The following MILR1 variants were observed in gnomAD, a reference collection of about 807,000 sequenced individuals.
MILR1 encodes allergin-1.
A neutral mutation model predicts 18.5 loss-of-function variants in MILR1; 31 were observed. The ratio of observed to expected loss-of-function variants is 1.68; its 90% confidence interval spans 1.26 to 2.26. The LOEUF (loss-of-function observed/expected upper bound fraction) is 2.26, where lower values mean the gene tolerates loss of function less well. Among genes scored for constraint, MILR1 ranks in the 30% most tolerant of loss-of-function variants. The pLI, the probability that MILR1 is intolerant of heterozygous loss-of-function variation, is 0.00. For synonymous variants in MILR1, 85 were observed against 56.2 expected, an observed-to-expected ratio of 1.51 and a Z score of -2.30; for missense variants, 257 against 157.4, an observed-to-expected ratio of 1.63 and a Z score of -3.38.
At chr17:64,478,763 G>C in the MILR1 span, among the ~76,000 whole-genome samples, 1 of 151,982 alleles carries the variant, frequency 6.6e-6, no homozygotes, top group South Asian at 2.1e-4. Context: ...TGGGCGTGGT[G>C]GCAGGCGCAT....
At chr17:64,456,289 C>A (rs1203347789) in intron 3 of MILR1, among the ~76,000 whole-genome samples, 2 of 151,768 alleles carry the variant, frequency 1.3e-5, no homozygotes, top group African/African-American at 4.9e-5. Context: ...TTCTTCCTTT[C>A]CTATAATACT....
intron 3 of MILR1, among the ~76,000 whole-genome samples, 168 bp downstream of exon 3, chr17:64,453,034 A>C (rs2037209908): frequency 6.6e-6 from 1 of 151,432 alleles, no homozygotes; most frequent in Non-Finnish European, 1.5e-5. Flanking sequence ...GGTCAACAGG[A>C]AGTATCTTTT....
chr17:64,461,266 A>G (rs900565462), intron 5 of MILR1, among the ~76,000 whole-genome samples: 8 of 152,094 alleles, frequency 5.3e-5, no homozygotes, highest in East Asian at 3.9e-4. Context: ...TTTATTTTTG[A>G]GACAGAGTTT....
At chr17:64,457,341 G>A (rs971989574) in intron 3 of MILR1, 59 bp from the exon 4 acceptor site, 2 of 448,808 alleles carry the variant, frequency 4.5e-6, no homozygotes, top group Admixed American at 3.8e-5. Context: ...TCATATTTGT[G>A]GTCTGAGTGA....
intron 3 of MILR1, among the ~76,000 whole-genome samples, chr17:64,453,257 C>T (rs1211231690): frequency 4.0e-5 from 6 of 151,712 alleles, no homozygotes; most frequent in South Asian, 2.1e-4. Context: ...TTACTTGAGA[C>T]GAGGTTTCAC....
chr17:64,459,903 C>A (rs2037384322), intron 4 of MILR1, among the ~76,000 whole-genome samples: 1 of 152,160 alleles, frequency 6.6e-6, no homozygotes. Flanking sequence ...CTGTTAAATT[C>A]TGTGCTGCTT....
In MILR1 at chr17:64,457,620, T is replaced by C. The variant is rs2037330645; in HGVS notation, c.588T>C (p.Cys196=). The C allele has an allele frequency of 2.1e-6, 1 of 475,202 alleles. No homozygotes were observed. Among genetic ancestry groups the C allele is most frequent in the East Asian group, 3.1e-5 (1 of 32,056 alleles). 29.4% of individuals were successfully genotyped at this position (475,202 alleles called of 1,614,324 possible). The part of the protein sequence containing the change: ...KNPGEEEEYR[C]EAKNRLPNYA... ...CTGGAGAAGAGGAAGAGTATAGGTG[T>C]GAAGCTAAAAACAGATTGCCTAACT... is the stretch of plus-strand genomic sequence containing the variant. The change falls in exon 4 of 10, where the codon TGT becomes TGC. Residue 196 remains cysteine (C), a synonymous_variant. Transcript: ENST00000619286.
the MILR1 span, among the ~76,000 whole-genome samples, chr17:64,494,792 C>G: frequency 4.6e-5 from 7 of 152,118 alleles, no homozygotes; most frequent in African/African-American, 1.7e-4. Context: ...CTTTTTAGCA[C>G]CATAAAGTGT....
At chr17:64,449,829 C>G (rs2037125535) in intron 2 of MILR1, among the ~76,000 whole-genome samples, 1 of 152,132 alleles carries the variant, frequency 6.6e-6, no homozygotes, top group Non-Finnish European at 1.5e-5. Context: ...ATTCAAGCAA[C>G]ACTAGAAATA....
the MILR1 span, among the ~76,000 whole-genome samples, chr17:64,481,020 T>A: frequency 6.6e-6 from 1 of 152,118 alleles, no homozygotes; most frequent in African/African-American, 2.4e-5. Context: ...AAGCAAAATT[T>A]AAAAACCCCT....
downstream of MILR1, among the ~76,000 whole-genome samples, chr17:64,472,789 A>G (rs562359376): frequency 5.3e-5 from 8 of 152,288 alleles, no homozygotes; most frequent in East Asian, 1.5e-3. Context: ...TGCTGTTCAA[A>G]CAGTGACCTC....
intron 3 of MILR1, among the ~76,000 whole-genome samples, chr17:64,454,250 C>T (rs910700837): frequency 6.6e-6 from 1 of 152,004 alleles, no homozygotes. Context: ...ATTTAATAGC[C>T]TATGTCACCC....
chr17:64,496,232 A>G, the MILR1 span, among the ~76,000 whole-genome samples: 1 of 152,306 alleles, frequency 6.6e-6, no homozygotes, highest in Admixed American at 6.5e-5. Flanking sequence ...GATTCCATGG[A>G]CCAGTTTTCT....
chr17:64,479,583 T>TA, the MILR1 span, among the ~76,000 whole-genome samples: 6 of 151,640 alleles, frequency 4.0e-5, no homozygotes, highest in East Asian at 3.9e-4. Flanking sequence ...ACAAAAAGCT[T>TA]AAAAAAAATA....
the MILR1 span, chr17:64,491,546 G>A: frequency 6.5e-7 from 1 of 1,549,148 alleles, no homozygotes; most frequent in South Asian, 1.1e-5. Flanking sequence ...TACCAGTGAA[G>A]GACAAGAAAC....
the MILR1 span, chr17:64,490,801 A>G: frequency 1.2e-6 from 2 of 1,611,522 alleles, 1 homozygote; most frequent in South Asian, 2.2e-5. Context: ...CATACATGTA[A>G]TTTAGACACA....
chr17:64,462,921 C>T (rs1323501972), intron 5 of MILR1, among the ~76,000 whole-genome samples: 2 of 151,948 alleles, frequency 1.3e-5, no homozygotes, highest in Admixed American at 6.6e-5. Flanking sequence ...CCATTACGCC[C>T]GGCCCACAGT....
At chr17:64,460,016 AT>A (rs1218783539) in intron 4 of MILR1, among the ~76,000 whole-genome samples, 1 of 144,312 alleles carries the variant, frequency 6.9e-6, no homozygotes, top group African/African-American at 2.6e-5. Context: ...TTATTTATTT[AT>A]TTATTTATTT....
Position 64,457,613 on chromosome 17 carries a change from A to G in MILR1, c.581A>G (p.Tyr194Cys), listed in dbSNP as rs2144033562. 2.1e-6 allele frequency: 1 copy of G among 475,406 alleles called. No individual in the cohort carries two copies. The highest frequency in any genetic ancestry group is 3.1e-5 in the East Asian group (1 of 32,044). 29.4% of individuals were successfully genotyped at this position (475,406 alleles called of 1,614,324 possible). A position where few individuals can be genotyped will look rare whatever the true frequency, so the allele number is the denominator to read the frequency against. The stretch of plus-strand genomic sequence containing the variant: ...AAGAATCCTGGAGAAGAGGAAGAGT[A>G]TAGGTGTGAAGCTAAAAACAGATTG... ...TKKNPGEEEE[Y>C]RCEAKNRLPN... The change falls in exon 4 of 10, where the codon TAT becomes TGT. Residue 194 changes from tyrosine to cysteine, a missense_variant. Physicochemically the swap from Tyr to Cys is radical, Grantham distance 194. Coordinates refer to ENST00000619286, the MANE Select transcript of MILR1 (RefSeq NM_001085423.2).
Sources: allele counts gnomAD v4.1 joint callset (sites outside exome capture counted in the v4.1 genomes callset), GRCh38; gene constraint gnomAD v4.1.1; transcripts MANE v1.5; gene names NCBI Gene and HGNC (gene_info 2026-07-23, HGNC 2026-07-21).